Variants in TLN2 observed in about 807,000 individuals in gnomAD.
The protein encoded by TLN2 is talin 2, also known as talin-2.
Under a neutral mutation model 294.7 loss-of-function variants are expected in TLN2, and 118 were observed. That is an observed-to-expected ratio of 0.40 (90% confidence interval 0.34 to 0.47). TLN2 has a LOEUF of 0.47. TLN2 is among the 20% of genes least tolerant of loss of function. The pLI, the probability that TLN2 is intolerant of heterozygous loss-of-function variation, is 0.84. For synonymous variants in TLN2, 1,431 were observed against 1,304.5 expected (o/e 1.10, Z -2.09); for missense variants, 3,083 against 3,282.2 (o/e 0.94, Z 1.48).
chr15:62,506,428 G>A (rs572503853), intron 1 of TLN2, among the ~76,000 whole-genome samples: 4 of 152,352 alleles, frequency 2.6e-5, no homozygotes, highest in African/African-American at 9.6e-5. Context: ...ATCTGCATGA[G>A]GTAGTCACAT....
chr15:62,488,240 T>C (rs371170225), intron 1 of TLN2, among the ~76,000 whole-genome samples: 2 of 152,298 alleles, frequency 1.3e-5, no homozygotes, highest in East Asian at 3.9e-4. Context: ...GTCTTGACTG[T>C]CCTCCATAGT....
intron 34 of TLN2, among the ~76,000 whole-genome samples, chr15:62,751,157 T>C (rs1158155099): frequency 6.6e-6 from 1 of 151,002 alleles, no homozygotes; most frequent in Non-Finnish European, 1.5e-5. Context: ...AAAAAAAAAC[T>C]GTTGAGAAAC....
At chr15:62,831,640 C>T (rs1478529873) in intron 54 of TLN2, 1 of 152,128 alleles carries the variant, frequency 6.6e-6, no homozygotes, top group African/African-American at 2.4e-5. Flanking sequence ...GAACTAAATT[C>T]ATGTCTGTCC....
At position 62,740,698 on chromosome 15, in the gene TLN2, G is replaced by A. The variant is rs997569846; in HGVS notation, c.3954G>A (p.Leu1318=). The A allele has an allele frequency of 1.9e-6, 3 of 1,614,088 alleles. No individual in the cohort carries two copies. The highest frequency in any genetic ancestry group is 2.2e-5 in the East Asian group (1 of 44,892). ...KNISMASSKL[L]LAAKSLSVDP... ...TCTCGATGGCATCCAGCAAGCTGCT[G>A]TTAGCTGCCAAGTCTCTCTCTGTAG... The change falls in exon 32 of 59, where the codon CTG becomes CTA. Residue 1318 remains leucine, a synonymous_variant. Coordinates refer to ENST00000636159, the MANE Select transcript of TLN2 (RefSeq NM_015059.3).
intron 37 of TLN2, among the ~76,000 whole-genome samples, chr15:62,757,478 C>T (rs551722925): frequency 5.3e-5 from 8 of 152,286 alleles, no homozygotes; most frequent in South Asian, 2.1e-4. Flanking sequence ...GATGGACCAA[C>T]GGAGTAAAAA....
chr15:62,763,155 T>C (rs1237401595), intron 39 of TLN2: 1 of 156,698 alleles, frequency 6.4e-6, no homozygotes, highest in Non-Finnish European at 1.4e-5. Context: ...CAGGACTTTG[T>C]GACTAGTATG....
At chr15:62,496,647 A>G (rs781676941) in intron 1 of TLN2, among the ~76,000 whole-genome samples, 1 of 152,200 alleles carries the variant, frequency 6.6e-6, no homozygotes, top group Non-Finnish European at 1.5e-5. Flanking sequence ...TCAGTGCCTG[A>G]TTGTTCCCGG....
intron 3 of TLN2, among the ~76,000 whole-genome samples, chr15:62,629,278 C>T (rs1396348867): frequency 6.6e-6 from 1 of 152,018 alleles, no homozygotes; most frequent in Admixed American, 6.5e-5. Flanking sequence ...TTTTTGTGAC[C>T]TTGGATGGAG....
intron 37 of TLN2, among the ~76,000 whole-genome samples, chr15:62,759,392 T>C (rs1463805): frequency 6.6e-6 from 1 of 152,118 alleles, no homozygotes; most frequent in African/African-American, 2.4e-5. Context: ...GGGCTATATG[T>C]TAATATGATT....
intron 28 of TLN2, among the ~76,000 whole-genome samples, chr15:62,736,130 G>A (rs2060997596): frequency 2.0e-5 from 3 of 152,198 alleles, no homozygotes; most frequent in South Asian, 4.2e-4. Flanking sequence ...GGCTAACACA[G>A]TGAAACCCCG....
chr15:62,747,435 T>A (rs535943317), intron 32 of TLN2, among the ~76,000 whole-genome samples: 1 of 152,258 alleles, frequency 6.6e-6, no homozygotes, highest in East Asian at 1.9e-4. Flanking sequence ...CATATAGAAT[T>A]TAATGGAAGG....
chr15:62,828,303 C>CA (rs564005101), intron 54 of TLN2: 74 of 152,382 alleles, frequency 4.9e-4, no homozygotes, highest in African/African-American at 1.6e-3. Context: ...CCAGACAGCC[C>CA]AGGAAAGACG....
At chr15:62,402,798 CT>C (rs2036930403) in intron 1 of TLN2, among the ~76,000 whole-genome samples, 1 of 152,216 alleles carries the variant, frequency 6.6e-6, no homozygotes, top group African/African-American at 2.4e-5. Context: ...ACTAAACTTA[CT>C]AACCTACCAG....
chr15:62,724,940 C>G (rs751226497), intron 26 of TLN2, 36 bp from the exon 27 acceptor site: 13 of 1,580,376 alleles, frequency 8.2e-6, no homozygotes, highest in Non-Finnish European at 1.1e-5. Flanking sequence ...TTTTCCCAAG[C>G]AGACTGGGTA....
chr15:62,825,820 A>ATATATTTAT (rs2068086670), intron 54 of TLN2, among the ~76,000 whole-genome samples: 1 of 35,822 alleles, frequency 2.8e-5, no homozygotes, highest in Non-Finnish European at 4.9e-5. Flanking sequence ...ATATTATAAT[A>ATATATTTAT]TATATTATAA....
At chr15:62,500,616 G>T (rs574785600) in intron 1 of TLN2, among the ~76,000 whole-genome samples, 1 of 152,292 alleles carries the variant, frequency 6.6e-6, no homozygotes, top group Admixed American at 6.5e-5. Flanking sequence ...GTAAATGGAG[G>T]CAAGGGAAGA....
rs544329692 is a variant in TLN2, at chr15:62,510,863, A to G, written c.-237-78824A>G. 9.8e-4 allele frequency among the ~76,000 whole-genome samples: 150 copies of G among 152,370 alleles called. 1 individual carries two copies. The highest frequency in any genetic ancestry group is 3.4e-3 in the Middle Eastern group (1 of 294). ...CCCAGAGAATCCAGTTACGTGCTAT[A>G]GAGTGATACCACATGCTCTTCCTAA... On this transcript the variant is annotated intron_variant, in intron 1 of 58. Coordinates refer to ENST00000636159, the MANE Select transcript of TLN2 (RefSeq NM_015059.3).
intron 46 of TLN2, among the ~76,000 whole-genome samples, chr15:62,794,353 C>T (rs900033724): frequency 7.2e-5 from 11 of 152,140 alleles, no homozygotes; most frequent in African/African-American, 2.7e-4. Flanking sequence ...GTATAGTGTA[C>T]CCACACACAG....
intron 1 of TLN2, among the ~76,000 whole-genome samples, chr15:62,559,417 C>T (rs1238290888): frequency 2.0e-5 from 3 of 152,122 alleles, no homozygotes; most frequent in Non-Finnish European, 4.4e-5. Flanking sequence ...TCAGCTACAC[C>T]CTTCCTACTC....
Sources: allele counts gnomAD v4.1 joint callset (sites outside exome capture counted in the v4.1 genomes callset), GRCh38; gene constraint gnomAD v4.1.1; transcripts MANE v1.5; gene names NCBI Gene and HGNC (gene_info 2026-07-23, HGNC 2026-07-21).